FAM13C: variants seen among roughly 807,000 people sequenced by gnomAD.
FAM13C encodes protein FAM13C.
FAM13C carries 37 observed loss-of-function variants against 73.2 expected under a neutral mutation model. That is an observed-to-expected ratio of 0.51 (90% CI 0.39 to 0.67). The LOEUF is 0.67. Ranked by LOEUF, FAM13C falls within the 30% of genes least tolerant of loss-of-function variation. FAM13C has a pLI of 0.00. For synonymous variants in FAM13C, 246 were observed against 260.9 expected, an observed-to-expected ratio of 0.94 and a Z score of 0.55; for missense variants, 589 against 715.6, an observed-to-expected ratio of 0.82 and a Z score of 2.02.
chr10:59,298,525 T>A (rs1847184695), intron 5 of FAM13C, among the ~76,000 whole-genome samples: 2 of 152,114 alleles, frequency 1.3e-5, no homozygotes, highest in African/African-American at 2.4e-5. Flanking sequence ...TGGGTGAGTA[T>A]AATAAAGAAG....
At chr10:59,266,897 A>G (rs1843129840) in intron 8 of FAM13C, among the ~76,000 whole-genome samples, 1 of 152,214 alleles carries the variant, frequency 6.6e-6, no homozygotes, top group Non-Finnish European at 1.5e-5. Flanking sequence ...TATATAACTC[A>G]TAGATTAAAA....
intron 6 of FAM13C, 46 bp from the exon 7 acceptor site, chr10:59,270,155 C>A: frequency 6.4e-7 from 1 of 1,557,242 alleles, no homozygotes; most frequent in Non-Finnish European, 8.8e-7. Flanking sequence ...TGACAGAGGG[C>A]TTGAGACTGT....
upstream of FAM13C, chr10:59,363,054 T>G (rs189769536): frequency 3.5e-3 from 554 of 159,244 alleles, 1 homozygote; most frequent in Admixed American, 5.3e-3. Flanking sequence ...GTGTGTGTGT[T>G]TTTTGTTGCC....
At chr10:59,273,428 T>C (rs1298717966) in intron 6 of FAM13C, among the ~76,000 whole-genome samples, 2 of 152,058 alleles carry the variant, frequency 1.3e-5, no homozygotes, top group African/African-American at 4.8e-5. Flanking sequence ...ATGTGGAAAA[T>C]AAGAACCAAT....
intron 3 of FAM13C, among the ~76,000 whole-genome samples, chr10:59,334,097 T>A (rs189638556): frequency 1.9e-3 from 293 of 152,250 alleles, no homozygotes; most frequent in African/African-American, 6.9e-3. Context: ...AGACAAGAGA[T>A]GGCAGGGGAA....
At chr10:59,301,421 C>T (rs2133854427) in intron 5 of FAM13C, among the ~76,000 whole-genome samples, 1 of 152,320 alleles carries the variant, frequency 6.6e-6, no homozygotes, top group Middle Eastern at 3.4e-3. Flanking sequence ...AGCTGGCACA[C>T]TTCATGTCAT....
At chr10:59,315,867 C>G (rs1849469603) in intron 4 of FAM13C, among the ~76,000 whole-genome samples, 1 of 152,174 alleles carries the variant, frequency 6.6e-6, no homozygotes, top group Non-Finnish European at 1.5e-5. Context: ...ATCTAGTTCT[C>G]TCAAAGTTAC....
chr10:59,265,328 G>GTGC, intron 8 of FAM13C, among the ~76,000 whole-genome samples: 1 of 48,978 alleles, frequency 2.0e-5, no homozygotes, highest in African/African-American at 7.7e-5. Context: ...TTGGCGGGGG[G>GTGC]GGGGGGGAAT....
intron 3 of FAM13C, among the ~76,000 whole-genome samples, chr10:59,339,349 T>C (rs1430424613): frequency 6.6e-6 from 1 of 152,170 alleles, no homozygotes; most frequent in Non-Finnish European, 1.5e-5. Context: ...AAATATTCCC[T>C]ATAGGGAGAT....
upstream of FAM13C, chr10:59,362,650 C>G (rs79999165): frequency 2.7e-5 from 36 of 1,340,376 alleles, no homozygotes; most frequent in East Asian, 9.5e-4. Context: ...ACCACAAAGC[C>G]CGGCAGCCCG....
intron 13 of FAM13C, 106 bp downstream of exon 13, chr10:59,251,469 T>C (rs1841366918): frequency 3.3e-6 from 3 of 917,184 alleles, no homozygotes; most frequent in Non-Finnish European, 1.8e-6. Context: ...GTGGAAATTA[T>C]ATACATTTTG....
intron 13 of FAM13C, among the ~76,000 whole-genome samples, chr10:59,248,272 G>A (rs1840919540): frequency 6.6e-6 from 1 of 152,098 alleles, no homozygotes; most frequent in South Asian, 2.1e-4. Context: ...ACCTATCTCT[G>A]CTAATATATA....
chr10:59,274,666 G>A (rs769441209), intron 6 of FAM13C, among the ~76,000 whole-genome samples: 14 of 152,154 alleles, frequency 9.2e-5, no homozygotes, highest in South Asian at 2.1e-4. Context: ...CCAGATTCTC[G>A]TCCCAGTTTT....
At chr10:59,346,112 A>C (rs1854256875) in intron 3 of FAM13C, among the ~76,000 whole-genome samples, 1 of 152,190 alleles carries the variant, frequency 6.6e-6, no homozygotes, top group Non-Finnish European at 1.5e-5. Context: ...TACTGTTTGA[A>C]GTTGCTCACT....
chr10:59,337,385 T>G (rs1472053170), intron 3 of FAM13C, among the ~76,000 whole-genome samples: 1 of 152,188 alleles, frequency 6.6e-6, no homozygotes, highest in Admixed American at 6.5e-5. Flanking sequence ...GGAGTGAGAA[T>G]GTTGCTGACT....
chr10:59,343,136 C>G lies in FAM13C; in HGVS notation c.324+9134G>C, dbSNP rs930942. Among the ~76,000 whole-genome samples, 1,290 of 152,222 alleles carry G rather than the reference C, an allele frequency of 8.5e-3. 7 individuals carry two copies. Among genetic ancestry groups the G allele is most frequent in the Non-Finnish European group, 0.015 (1,026 of 68,012 alleles). On this transcript the variant is annotated intron_variant, in intron 3 of 13. Transcript: ENST00000618804. Reference sequence around the variant, plus strand: ...TAGCGAGAGCAAGACCACGATTATTCCTAAATAAAATAGCAAAATTAATGA... The same window carrying G: ...TAGCGAGAGCAAGACCACGATTATTGCTAAATAAAATAGCAAAATTAATGA...
intron 2 of FAM13C, among the ~76,000 whole-genome samples, chr10:59,352,930 C>A (rs1017811587): frequency 6.6e-6 from 1 of 152,198 alleles, no homozygotes; most frequent in African/African-American, 2.4e-5. Context: ...CAGACTCACA[C>A]CTGTGTTCTT....
Position 59,324,595 on chromosome 10 carries a change from T to A in FAM13C, c.325-489A>T, listed in dbSNP as rs190800876. Among the ~76,000 whole-genome samples, 267 of 152,244 alleles carry A rather than the reference T, an allele frequency of 1.8e-3. 1 individual carries two copies. The highest frequency in any genetic ancestry group is 6.3e-3 in the African/African-American group (261 of 41,550). On this transcript the variant is annotated intron_variant, in intron 3 of 13. Transcript: ENST00000618804. Reference sequence around the variant, plus strand: ...CTGTGACTAATTCTGAGACATCATGTTTATTTATTTTTGGGAGCCCATATA... The same window carrying A: ...CTGTGACTAATTCTGAGACATCATGATTATTTATTTTTGGGAGCCCATATA...
At chr10:59,277,946 G>C (rs185755913) in intron 6 of FAM13C, among the ~76,000 whole-genome samples, 13 of 152,278 alleles carry the variant, frequency 8.5e-5, no homozygotes, top group Non-Finnish European at 1.6e-4. Context: ...TCGTTTTCAT[G>C]TTGCTGATAA....
Sources: allele counts gnomAD v4.1 joint callset (sites outside exome capture counted in the v4.1 genomes callset), GRCh38; gene constraint gnomAD v4.1.1; transcripts MANE v1.5; gene names NCBI Gene and HGNC (gene_info 2026-07-23, HGNC 2026-07-21).